FHIP1A: variants seen among roughly 807,000 people sequenced by gnomAD.
FHIP1A encodes FHF complex subunit HOOK interacting protein 1A.
In FHIP1A, 61 loss-of-function variants were observed where a neutral mutation model predicts 88.6. The observed-to-expected ratio is 0.69, with a 90% CI of 0.56 to 0.85. The LOEUF is 0.85. Among genes scored for constraint, FHIP1A ranks in the 40% least tolerant of loss-of-function variants. FHIP1A has a pLI of 0.00. For synonymous variants in FHIP1A, 478 were observed against 496.0 expected (o/e 0.96, Z 0.48); for missense variants, 1,154 against 1,273.5 (o/e 0.91, Z 1.43).
intron 2 of FHIP1A, among the ~76,000 whole-genome samples, chr4:151,464,029 T>G (rs2126604583): frequency 6.6e-6 from 1 of 152,192 alleles, no homozygotes; most frequent in African/African-American, 2.4e-5. Context: ...CAGTTTGATA[T>G]TTTTATTGTT....
At chr4:151,529,931 C>T (rs1435945782) in intron 3 of FHIP1A, among the ~76,000 whole-genome samples, 1 of 152,108 alleles carries the variant, frequency 6.6e-6, no homozygotes, top group African/African-American at 2.4e-5. Context: ...TGAAACTTCA[C>T]GAACAGTACT....
intron 2 of FHIP1A, among the ~76,000 whole-genome samples, chr4:151,472,764 A>G (rs1561510651): frequency 6.6e-6 from 1 of 152,138 alleles, no homozygotes; most frequent in Non-Finnish European, 1.5e-5. Flanking sequence ...GCAGAAATAT[A>G]AGTGGTGACA....
chr4:151,453,344 T>C (rs1728861697), intron 1 of FHIP1A, among the ~76,000 whole-genome samples: 3 of 152,188 alleles, frequency 2.0e-5, no homozygotes, highest in Admixed American at 2.0e-4. Flanking sequence ...TTTGCTATTA[T>C]GATATAAGCA....
chr4:151,627,509 T>C (rs1313476339), intron 7 of FHIP1A, among the ~76,000 whole-genome samples: 1 of 152,216 alleles, frequency 6.6e-6, no homozygotes, highest in African/African-American at 2.4e-5. Context: ...AAGCTGAAAA[T>C]ATTGTGTTAC....
chr4:151,598,322 A>G (rs913464272), intron 7 of FHIP1A, among the ~76,000 whole-genome samples: 3 of 152,092 alleles, frequency 2.0e-5, no homozygotes, highest in East Asian at 1.9e-4. Context: ...CAGTGAGGCA[A>G]TGCCCCACCC....
chr4:151,498,266 A>G (rs1730531414), intron 3 of FHIP1A, among the ~76,000 whole-genome samples: 1 of 152,202 alleles, frequency 6.6e-6, no homozygotes, highest in African/African-American at 2.4e-5. Flanking sequence ...GGCTAAAGTA[A>G]TGTTTGGTAC....
At chr4:151,642,833 A>G (rs1040816115) in intron 9 of FHIP1A, among the ~76,000 whole-genome samples, 14 of 151,906 alleles carry the variant, frequency 9.2e-5, no homozygotes, top group Admixed American at 7.9e-4. Context: ...TTGGGGAAAT[A>G]GTGAAAATCA....
intron 3 of FHIP1A, among the ~76,000 whole-genome samples, chr4:151,511,847 T>A (rs551555244): frequency 1.3e-5 from 2 of 152,238 alleles, no homozygotes; most frequent in South Asian, 4.1e-4. Flanking sequence ...AGGCTCCGCC[T>A]CTGGGGGCAG....
chr4:151,516,345 A>C (rs2126686027), intron 3 of FHIP1A, among the ~76,000 whole-genome samples: 1 of 151,894 alleles, frequency 6.6e-6, no homozygotes, highest in East Asian at 1.9e-4. Context: ...AACCATAAAA[A>C]CCCTAGAAGA....
chr4:151,568,770 G>A lies in FHIP1A; in HGVS notation c.105+2406G>A, dbSNP rs73862062. ...AATGGCCTGGGAATGGAGAAAGTGA[G>A]ATTTTGCTACGTTGGCTATGGAAAA... is the stretch of plus-strand genomic sequence containing the variant. On this transcript the variant is annotated intron_variant, in intron 4 of 13. Coordinates refer to ENST00000435205, the MANE Select transcript of FHIP1A (RefSeq NM_001109977.3). Among the ~76,000 whole-genome samples, 1,202 of 152,270 alleles carry A rather than the reference G, an allele frequency of 7.9e-3. 10 individuals are homozygous for A. Among genetic ancestry groups the A allele is most frequent in the African/African-American group, 0.028 (1,154 of 41,548 alleles).
At chr4:151,417,491 T>C (rs1230404230) in intron 1 of FHIP1A, among the ~76,000 whole-genome samples, 1 of 152,190 alleles carries the variant, frequency 6.6e-6, no homozygotes, top group Non-Finnish European at 1.5e-5. Flanking sequence ...ACCAGCCTGA[T>C]TGGTTTTGGG....
At chr4:151,645,441 G>A (rs963800013) in intron 9 of FHIP1A, among the ~76,000 whole-genome samples, 1 of 152,020 alleles carries the variant, frequency 6.6e-6, no homozygotes, top group Non-Finnish European at 1.5e-5. Flanking sequence ...GGATCAGCAG[G>A]AGGTATGGGA....
At chr4:151,470,731 G>T (rs1729478042) in intron 2 of FHIP1A, among the ~76,000 whole-genome samples, 1 of 152,196 alleles carries the variant, frequency 6.6e-6, no homozygotes, top group Non-Finnish European at 1.5e-5. Flanking sequence ...TTACAGTCTA[G>T]CTAGTGAAAC....
At chr4:151,628,927 A>G (rs920793251) in intron 7 of FHIP1A, among the ~76,000 whole-genome samples, 5 of 152,218 alleles carry the variant, frequency 3.3e-5, no homozygotes, top group Non-Finnish European at 5.9e-5. Flanking sequence ...TAGAATTTTG[A>G]TACTTGAAGC....
intron 4 of FHIP1A, among the ~76,000 whole-genome samples, chr4:151,571,497 A>G (rs1733601597): frequency 6.6e-6 from 1 of 152,216 alleles, no homozygotes; most frequent in African/African-American, 2.4e-5. Context: ...TCTTCCCACA[A>G]AAATGAAAAA....
rs575727554 is a variant in FHIP1A at position 151,586,636 on chromosome 4, C to T, written c.733-5C>T. On this transcript the variant is annotated splice_polypyrimidine_tract_variant and splice_region_variant and intron_variant, in intron 5 of 13. Coordinates refer to ENST00000435205, the MANE Select transcript of FHIP1A (RefSeq NM_001109977.3). ...CATTTATTTTGTTTTTATTTCTGAA[C>T]ACAGGTACTTGCAACTGGGCTCAGT... The T allele has an allele frequency of 3.1e-5, 48 of 1,536,432 alleles. 1 individual carries two copies. In the South Asian group the frequency reaches 5.5e-4, roughly 18 times the overall value.
At chr4:151,540,273 A>G (rs1175983673) in intron 3 of FHIP1A, among the ~76,000 whole-genome samples, 2 of 152,200 alleles carry the variant, frequency 1.3e-5, no homozygotes, top group Non-Finnish European at 1.5e-5. Flanking sequence ...CCACAGAGCT[A>G]TATTGCTAAT....
intron 3 of FHIP1A, among the ~76,000 whole-genome samples, chr4:151,524,232 G>A (rs1731549948): frequency 6.6e-6 from 1 of 152,036 alleles, no homozygotes; most frequent in African/African-American, 2.4e-5. Context: ...AACCCGGGAG[G>A]CGGAGGTTGC....
intron 7 of FHIP1A, among the ~76,000 whole-genome samples, chr4:151,605,405 A>C (rs924967114): frequency 6.6e-6 from 1 of 152,208 alleles, no homozygotes; most frequent in African/African-American, 2.4e-5. Context: ...TCCCTTCTGC[A>C]GGCAGCTCAC....
Sources: gnomAD v4.1 joint callset for allele counts (sites outside exome capture counted in the v4.1 genomes callset) on GRCh38, gnomAD v4.1.1 for gene constraint, MANE v1.5 for transcripts, NCBI Gene and HGNC (gene_info 2026-07-23, HGNC 2026-07-21) for gene names.